The following ATRX variants were observed in gnomAD, a reference collection of about 807,000 sequenced individuals.
ATRX encodes ATRX chromatin remodeler.
In ATRX, 12 loss-of-function variants were observed where a neutral mutation model predicts 172.6. The observed-to-expected ratio is 0.07, with a 90% CI of 0.04 to 0.11. The LOEUF (loss-of-function observed/expected upper bound fraction) is 0.11. Ranked by LOEUF, ATRX falls within the 10% of genes least tolerant of loss-of-function variation. The probability of loss-of-function intolerance (pLI) is 1.00; values close to 1 mark genes in which losing one functional copy is unlikely to be tolerated. For missense variants in ATRX, 1,368 were observed against 1,767.4 expected, an observed-to-expected ratio of 0.77 and a Z score of 4.05; for synonymous variants, 674 against 594.7, an observed-to-expected ratio of 1.13 and a Z score of -1.94.
chrX:77,589,715 T>A (rs1220032553), intron 27 of ATRX, 119 bp downstream of exon 27: 6 of 580,475 alleles, frequency 1.0e-5, no homozygotes, highest in Non-Finnish European at 1.4e-5. Flanking sequence ...TGCAAAAAAA[T>A]TTTGATATGA....
intron 10 of ATRX, among the ~76,000 whole-genome samples, chrX:77,668,434 G>A (rs1467217462): frequency 8.9e-6 from 1 of 111,743 alleles, no homozygotes; most frequent in Non-Finnish European, 1.9e-5. Flanking sequence ...CCAGGACGAT[G>A]TACTGCCCCT....
intron 1 of ATRX, among the ~76,000 whole-genome samples, chrX:77,741,432 CT>C (rs200957734): frequency 1.2e-3 from 120 of 103,859 alleles, no homozygotes; most frequent in South Asian, 3.0e-3. Flanking sequence ...TGATAGTGAC[CT>C]TTTTTTTGGG....
chrX:77,785,437 A>G (rs181681320), intron 1 of ATRX, among the ~76,000 whole-genome samples: 1 of 109,300 alleles, frequency 9.1e-6, no homozygotes, highest in Non-Finnish European at 1.9e-5. Flanking sequence ...CCACAACCCA[A>G]TCAAAAAAAG....
chrX:77,693,439 G>A (rs1444531385), intron 6 of ATRX, among the ~76,000 whole-genome samples: 5 of 112,020 alleles, frequency 4.5e-5, no homozygotes, highest in Admixed American at 9.5e-5. Flanking sequence ...TAATACTAAT[G>A]CAGATGTACG....
At chrX:77,699,745 G>A (rs1485927072) in intron 2 of ATRX, among the ~76,000 whole-genome samples, 2 of 111,430 alleles carry the variant, frequency 1.8e-5, no homozygotes, top group African/African-American at 6.5e-5. Context: ...AGAAGAAACA[G>A]GTGTGAACAG....
Position 77,724,234 on chromosome X carries a change from G to A in ATRX, c.21-6991C>T, listed in dbSNP as rs143929109. Among the ~76,000 whole-genome samples the A allele has an allele frequency of 6.2e-3, 683 of 109,313 alleles. 8 individuals carry two copies. The highest frequency in any genetic ancestry group is 0.022 in the African/African-American group (648 of 29,931). The allele number at this position is 109,313 out of a possible 115,157, so 94.9% of individuals were successfully genotyped here. ...AGAGACTGCAGTGAGCCAAGATCGCGCCACTGCACTCCGGCCTAGACAACA... is the reference window on the plus strand; with the variant it reads ...AGAGACTGCAGTGAGCCAAGATCGCACCACTGCACTCCGGCCTAGACAACA... On this transcript the variant is annotated intron_variant, in intron 1 of 34. Transcript: ENST00000373344.
At chrX:77,732,303 G>A (rs2074331337) in intron 1 of ATRX, among the ~76,000 whole-genome samples, 1 of 111,856 alleles carries the variant, frequency 8.9e-6, no homozygotes, top group South Asian at 3.7e-4. Flanking sequence ...AAGGGGTTGA[G>A]CACGGCAGGC....
intron 1 of ATRX, among the ~76,000 whole-genome samples, chrX:77,763,527 G>A (rs1215341602): frequency 2.8e-5 from 3 of 105,268 alleles, no homozygotes; most frequent in East Asian, 3.0e-4. Context: ...CTGGAGTGCA[G>A]TGGCACGATC....
chrX:77,506,475 C>T lies in ATRX; in HGVS notation c.*1876G>A, dbSNP rs1450020160. 1 of 173,351 alleles carries T rather than the reference C, an allele frequency of 5.8e-6. No homozygotes were observed. Among genetic ancestry groups the T allele is most frequent in the Admixed American group, 8.0e-5 (1 of 12,557 alleles). 14.3% of individuals were successfully genotyped at this position (173,351 alleles called of 1,213,427 possible). On this transcript the variant is annotated 3_prime_UTR_variant, in exon 35 of 35. Coordinates refer to ENST00000373344, the MANE Select transcript of ATRX (RefSeq NM_000489.6). The stretch of plus-strand genomic sequence containing the variant: ...ATAATTAGACCATGTTGAAAATTCC[C>T]AGGTCTAGTAAATCAGGTTTAAAAT...
At chrX:77,536,953 T>C (rs1557048575) in intron 30 of ATRX, among the ~76,000 whole-genome samples, 3 of 112,157 alleles carry the variant, frequency 2.7e-5, no homozygotes, top group Admixed American at 9.5e-5. Flanking sequence ...TGCTCTCTAA[T>C]AGTACTCTCT....
At chrX:77,665,188 G>A (rs989185795) in intron 10 of ATRX, among the ~76,000 whole-genome samples, 3 of 111,977 alleles carry the variant, frequency 2.7e-5, no homozygotes, top group Admixed American at 9.5e-5. Flanking sequence ...AAAACTCCAC[G>A]AGAGGTTTTA....
intron 15 of ATRX, among the ~76,000 whole-genome samples, chrX:77,636,657 T>C (rs1452680329): frequency 9.0e-6 from 1 of 110,591 alleles, no homozygotes; most frequent in Admixed American, 9.7e-5. Context: ...ATCACTCTGA[T>C]AATGTCAGTA....
chrX:77,748,385 G>C (rs1334046272), intron 1 of ATRX, among the ~76,000 whole-genome samples: 5 of 110,720 alleles, frequency 4.5e-5, no homozygotes, highest in Middle Eastern at 4.6e-3. Context: ...TGATTGGGCT[G>C]GGGGGTGGTA....
intron 1 of ATRX, among the ~76,000 whole-genome samples, chrX:77,761,663 A>G (rs1248870627): frequency 7.2e-5 from 8 of 111,471 alleles, no homozygotes; most frequent in African/African-American, 2.6e-4. Flanking sequence ...GTGTGCTGAA[A>G]ACACCTGAAA....
At chrX:77,567,821 A>C (rs1489989253) in intron 28 of ATRX, among the ~76,000 whole-genome samples, 1 of 111,610 alleles carries the variant, frequency 9.0e-6, no homozygotes, top group Non-Finnish European at 1.9e-5. Flanking sequence ...TAACAAACTT[A>C]AAAGAATTGA....
chrX:77,571,726 T>G (rs1401880737), intron 28 of ATRX, among the ~76,000 whole-genome samples: 2 of 111,628 alleles, frequency 1.8e-5, no homozygotes, highest in African/African-American at 6.5e-5. Flanking sequence ...AATATAAGAT[T>G]TAACCATTGG....
At chrX:77,641,935 C>T (rs1557111406) in intron 15 of ATRX, among the ~76,000 whole-genome samples, 1 of 112,061 alleles carries the variant, frequency 8.9e-6, no homozygotes, top group Non-Finnish European at 1.9e-5. Context: ...GATATGGTAG[C>T]TCACACCTGT....
chrX:77,694,037 T>G, intron 5 of ATRX, 100 bp from the exon 6 acceptor site: 1 of 679,512 alleles, frequency 1.5e-6, no homozygotes, highest in Non-Finnish European at 2.3e-6. Flanking sequence ...GTACATAGTT[T>G]GTTTCTTTCA....
intron 19 of ATRX, among the ~76,000 whole-genome samples, chrX:77,624,687 A>C (rs1298085386): frequency 2.7e-5 from 3 of 112,084 alleles, no homozygotes; most frequent in Non-Finnish European, 3.8e-5. Context: ...TACCTAACAA[A>C]GGAGTCAAAA....
Sources: gnomAD v4.1 joint callset for allele counts (sites outside exome capture counted in the v4.1 genomes callset) on GRCh38, gnomAD v4.1.1 for gene constraint, MANE v1.5 for transcripts, NCBI Gene and HGNC (gene_info 2026-07-23, HGNC 2026-07-21) for gene names.